ALDH3B2: variants seen among roughly 807,000 people sequenced by gnomAD.
ALDH3B2 encodes the protein aldehyde dehydrogenase family 3 member B2.
A neutral mutation model predicts 36.7 loss-of-function variants in ALDH3B2; 45 were observed. That is an observed-to-expected ratio of 1.23 (90% CI 0.97 to 1.57). ALDH3B2 has a LOEUF of 1.57. Among genes scored for constraint, ALDH3B2 ranks in the 40% most tolerant of loss-of-function variants. The pLI, the probability that ALDH3B2 is intolerant of heterozygous loss-of-function variation, is 0.00. For missense variants in ALDH3B2, 464 were observed against 513.3 expected (o/e 0.90, Z 0.93); for synonymous variants, 217 against 226.5 (o/e 0.96, Z 0.38).
exon 10 of ALDH3B2, chr11:67,663,322 G>T (rs773446983): frequency 6.2e-7 from 1 of 1,614,174 alleles, no homozygotes. Context: ...AGGCCGGAGG[G>T]GGCGAGCAGG....
upstream of ALDH3B2, among the ~76,000 whole-genome samples, chr11:67,676,873 A>G (rs1366542224): frequency 8.5e-5 from 13 of 152,152 alleles, no homozygotes; most frequent in Admixed American, 2.6e-4. Flanking sequence ...ACATTCCTGG[A>G]AAAATACAAC....
exon 7 of ALDH3B2, chr11:67,665,375 T>A: frequency 6.2e-7 from 1 of 1,613,868 alleles, no homozygotes; most frequent in Non-Finnish European, 8.5e-7. Flanking sequence ...TGTTTCTGGT[T>A]GATGATGTGG....
At chr11:67,679,988 T>C (rs940968064) in intron 1 of ALDH3B2, among the ~76,000 whole-genome samples, 1 of 152,054 alleles carries the variant, frequency 6.6e-6, no homozygotes, top group Non-Finnish European at 1.5e-5. Context: ...GATTGAATCA[T>C]GAATTATCTC....
upstream of ALDH3B2, among the ~76,000 whole-genome samples, chr11:67,679,595 C>T (rs968271775): frequency 2.0e-5 from 3 of 151,430 alleles, no homozygotes; most frequent in Non-Finnish European, 4.4e-5. Context: ...CTAGCTAACA[C>T]AGTGAAACCC....
chr11:67,664,451 A>G, exon 8 of ALDH3B2: 1 of 1,614,030 alleles, frequency 6.2e-7, no homozygotes, highest in Non-Finnish European at 8.5e-7. Context: ...CCGGTTGATG[A>G]ACTTGATGGC....
chr11:67,664,632 G>GGGGACAGGGGCAT (rs1197554127), intron 7 of ALDH3B2, 70 bp from the exon 8 acceptor site: 1 of 1,574,934 alleles, frequency 6.3e-7, no homozygotes, highest in Admixed American at 1.8e-5. Context: ...GGGTAGAGGT[G>GGGGACAGGGGCAT]GGGACAGGGG....
intron 1 of ALDH3B2, chr11:67,667,854 G>C (rs896335635): frequency 1.2e-5 from 2 of 161,948 alleles, no homozygotes; most frequent in Admixed American, 1.3e-4. Context: ...GTGCCCATGA[G>C]GGAGGGCCCT....
chr11:67,671,933 C>T (rs1856125992), intron 1 of ALDH3B2, among the ~76,000 whole-genome samples: 1 of 149,658 alleles, frequency 6.7e-6, no homozygotes, highest in Non-Finnish European at 1.5e-5. Flanking sequence ...ATCAGAAACT[C>T]AAAAGAATGC....
rs766047073 is a variant in ALDH3B2, at chr11:67,663,663, G to A, written c.972C>T (p.Val324=). The A allele has an allele frequency of 6.8e-6, 11 of 1,608,044 alleles. No homozygotes were observed. The South Asian group carries it at 8.8e-5, about 13-fold the overall frequency. ...GGGTGGAAATGGGCAGGGACCCACC[G>A]ACTCCCCCGAATGGCACGGACAGCA... is the stretch of plus-strand genomic sequence containing the variant. Residue 324 remains valine, a splice_region_variant and synonymous_variant, in exon 9 of 10, where the codon GTC becomes GTT. Transcript: ENST00000349015.
intron 1 of ALDH3B2, among the ~76,000 whole-genome samples, chr11:67,672,238 C>G (rs143869645): frequency 6.7e-6 from 1 of 149,916 alleles, no homozygotes; most frequent in East Asian, 2.0e-4. Flanking sequence ...ATCTCCATCT[C>G]CCGGATTCAA....
At chr11:67,662,442 G>A (rs1400476426) in exon 10 of ALDH3B2, 1 of 152,282 alleles carries the variant, frequency 6.6e-6, no homozygotes, top group Non-Finnish European at 1.5e-5. Flanking sequence ...CCTGTGTCTG[G>A]TCTACATGCA....
At chr11:67,666,644 G>T in exon 4 of ALDH3B2, 1 of 1,614,158 alleles carries the variant, frequency 6.2e-7, no homozygotes, top group South Asian at 1.1e-5. Flanking sequence ...CGATGATGAG[G>T]ACCAGGCCAA....
At chr11:67,674,538 A>C (rs1427430842) in exon 1 of ALDH3B2, 2 of 159,836 alleles carry the variant, frequency 1.3e-5, no homozygotes, top group Non-Finnish European at 2.7e-5. Context: ...CCCAGGCCTC[A>C]GCCCTGCTCT....
At chr11:67,668,236 G>C (rs550420003) in intron 1 of ALDH3B2, among the ~76,000 whole-genome samples, 1 of 152,192 alleles carries the variant, frequency 6.6e-6, no homozygotes, top group Non-Finnish European at 1.5e-5. Flanking sequence ...TCTGCTGGTC[G>C]TAGAAGGAAG....
exon 10 of ALDH3B2, chr11:67,662,262 G>A (rs1855765306): frequency 6.6e-6 from 1 of 152,204 alleles, no homozygotes; most frequent in Admixed American, 6.5e-5. Flanking sequence ...ACAGCCAAGG[G>A]GAAGCTTTTA....
chr11:67,679,463 T>G (rs1167828745), upstream of ALDH3B2, among the ~76,000 whole-genome samples: 1 of 148,104 alleles, frequency 6.8e-6, no homozygotes, highest in East Asian at 2.0e-4. Flanking sequence ...AGAGCGAGAC[T>G]CCATCTCAAA....
intron 1 of ALDH3B2, among the ~76,000 whole-genome samples, chr11:67,670,867 A>G (rs1856090377): frequency 6.6e-6 from 1 of 152,160 alleles, no homozygotes; most frequent in African/African-American, 2.4e-5. Context: ...ATATTCATCT[A>G]CTGTCTTTGC....
At chr11:67,665,950 G>A (rs4244825) in intron 6 of ALDH3B2, among the ~76,000 whole-genome samples, 172 bp downstream of exon 6, 143,873 of 152,220 alleles carry the variant, frequency 0.95, 68,527 homozygotes, top group Middle Eastern at 1. Flanking sequence ...CCTGGATCCA[G>A]TTGCTGCAAT....
rs1271701315 is a variant in ALDH3B2 at position 67,666,404 on chromosome 11, G to A, written c.152-3C>T. 6.2e-7 allele frequency: 1 copy of A among 1,607,720 alleles called. No homozygotes were observed. Among genetic ancestry groups the A allele is most frequent in the East Asian group, 2.2e-5 (1 of 44,500 alleles). On this transcript the variant is annotated splice_region_variant and splice_polypyrimidine_tract_variant and intron_variant, in intron 4 of 9. Transcript: ENST00000349015. Reference sequence around the variant, plus strand: ...CGGCTTCAGCACCACGCAACTCCCTGCAGGGGCAGATGGGGACGTCGTTGG... The same window carrying A: ...CGGCTTCAGCACCACGCAACTCCCTACAGGGGCAGATGGGGACGTCGTTGG...
Sources: allele counts gnomAD v4.1 joint callset (sites outside exome capture counted in the v4.1 genomes callset), GRCh38; gene constraint gnomAD v4.1.1; transcripts MANE v1.5; gene names NCBI Gene and HGNC (gene_info 2026-07-23, HGNC 2026-07-21).